USP9X: variants seen among roughly 807,000 people sequenced by gnomAD.
USP9X encodes ubiquitin carboxyl-terminal hydrolase 9X.
In USP9X, 7 loss-of-function variants were observed where a neutral mutation model predicts 190.3. That is an observed-to-expected ratio of 0.04 (90% CI 0.02 to 0.07). The LOEUF (loss-of-function observed/expected upper bound fraction) is 0.07. Ranked by LOEUF, USP9X falls within the 10% of genes least tolerant of loss-of-function variation. The probability of loss-of-function intolerance (pLI) is 1.00; values close to 1 mark genes in which losing one functional copy is unlikely to be tolerated. For missense variants in USP9X, 1,010 were observed against 1,916.9 expected, an observed-to-expected ratio of 0.53 and a Z score of 8.83; for synonymous variants, 645 against 659.5, an observed-to-expected ratio of 0.98 and a Z score of 0.34.
At chrX:41,114,325 T>TCA (rs2062131374) in intron 1 of USP9X, among the ~76,000 whole-genome samples, 1 of 111,807 alleles carries the variant, frequency 8.9e-6, no homozygotes, top group Non-Finnish European at 1.9e-5. Flanking sequence ...AATTGCTTGA[T>TCA]AGGTACCATA....
At position 41,150,914 on chromosome X, in the gene USP9X, G is replaced by A; in HGVS notation, c.1627-7G>A. The A allele has an allele frequency of 8.3e-7, 1 of 1,199,030 alleles. No individual in the cohort carries two copies. The highest frequency in any genetic ancestry group is 1.1e-6 in the Non-Finnish European group (1 of 890,304). ...TCTATTTAAAACATTGAAATCATTTGTTTAAGGACCGTGATACACAAAAGA... is the reference window on the plus strand; with the variant it reads ...TCTATTTAAAACATTGAAATCATTTATTTAAGGACCGTGATACACAAAAGA... On this transcript the variant is annotated splice_polypyrimidine_tract_variant and splice_region_variant and intron_variant, in intron 12 of 44. Transcript: ENST00000378308.
In USP9X at chrX:41,178,241, C is replaced by T. The variant is rs935460451; in HGVS notation, c.3149-5757C>T. Among the ~76,000 whole-genome samples, 4 of 106,304 alleles carry T rather than the reference C, an allele frequency of 3.8e-5. No individual in the cohort carries two copies. In the Admixed American group the frequency reaches 4.1e-4, roughly 11 times the overall value. 92.3% of individuals were successfully genotyped at this position (106,304 alleles called of 115,157 possible). A position where few individuals can be genotyped will look rare whatever the true frequency, so the allele number is the denominator to read the frequency against. On this transcript the variant is annotated intron_variant, in intron 21 of 44. Coordinates refer to ENST00000378308, the MANE Select transcript of USP9X (RefSeq NM_001039591.3). ...TCAGCCTCCCGAATAGCTGTGATTACAGGCACCTGCCCTCATGCCCGGCTA... is the reference window on the plus strand; with the variant it reads ...TCAGCCTCCCGAATAGCTGTGATTATAGGCACCTGCCCTCATGCCCGGCTA...
chrX:41,200,402 G>A (rs1163507953), intron 30 of USP9X, among the ~76,000 whole-genome samples: 2 of 111,846 alleles, frequency 1.8e-5, no homozygotes, highest in Non-Finnish European at 3.8e-5. Context: ...GATACTTAAT[G>A]TTGTTTCCAG....
intron 1 of USP9X, among the ~76,000 whole-genome samples, chrX:41,121,283 TGAA>T (rs1431109955): frequency 9.0e-6 from 1 of 111,513 alleles, no homozygotes; most frequent in Non-Finnish European, 1.9e-5. Flanking sequence ...ATAGAGAACT[TGAA>T]GAGGAAGAAG....
intron 1 of USP9X, among the ~76,000 whole-genome samples, chrX:41,115,266 C>G (rs779036329): frequency 4.2e-4 from 45 of 108,401 alleles, no homozygotes; most frequent in African/African-American, 1.4e-3. Context: ...GTAGTGAGGT[C>G]TGGCGCCCTC....
chrX:41,120,996 G>C (rs1014247232), intron 1 of USP9X, among the ~76,000 whole-genome samples: 21 of 102,079 alleles, frequency 2.1e-4, no homozygotes, highest in African/African-American at 7.2e-4. Context: ...GAGCCACCAT[G>C]CCTGGCTAAT....
At chrX:41,184,753 G>A in intron 23 of USP9X, 78 bp downstream of exon 23, 1 of 895,156 alleles carries the variant, frequency 1.1e-6, no homozygotes, top group South Asian at 2.6e-5. Context: ...TATTTTAAGT[G>A]TAGAGTTCAA....
At chrX:41,209,104 A>G (rs2063135061) in intron 32 of USP9X, among the ~76,000 whole-genome samples, 1 of 111,877 alleles carries the variant, frequency 8.9e-6, no homozygotes, top group Non-Finnish European at 1.9e-5. Flanking sequence ...AGAATAAGGC[A>G]ATTTTCCTAC....
chrX:41,090,082 C>G (rs112971998), intron 1 of USP9X, among the ~76,000 whole-genome samples: 13,818 of 105,776 alleles, frequency 0.13, 895 homozygotes, highest in East Asian at 0.21. Context: ...TATTTTTTTT[C>G]TCTTTTATAG....
rs765735771 is a variant in USP9X at position 41,170,206 on chromosome X, A to G, written c.2848A>G (p.Ile950Val). 2.5e-6 allele frequency: 3 copies of G among 1,209,405 alleles called. No individual in the cohort carries two copies. The African/African-American group carries it at 5.2e-5, about 21-fold the overall frequency. ...AGATCCTGCAGATGATAGAAAGTTG[A>G]TTGGACAATTAAACTTAAAAGATAA... is the stretch of plus-strand genomic sequence containing the variant. ...LIDPADDRKL[I>V]GQLNLKDKSL... is the part of the protein sequence containing the mutation. Residue 950 changes from isoleucine to valine, a missense_variant, in exon 19 of 45, where the codon ATT becomes GTT. Ile to Val is a conservative substitution (Grantham distance 29). This residue lies in a region of USP9X where 351 missense variants were observed against 480.8 expected (regional missense o/e 0.73). Coordinates refer to ENST00000378308, the MANE Select transcript of USP9X (RefSeq NM_001039591.3).
intron 9 of USP9X, among the ~76,000 whole-genome samples, chrX:41,141,964 ATGAG>A (rs2062426647): frequency 1.8e-5 from 2 of 111,975 alleles, no homozygotes; most frequent in Admixed American, 9.5e-5. Flanking sequence ...TTGTTTTGAA[ATGAG>A]TAAGTATGCC....
intron 1 of USP9X, among the ~76,000 whole-genome samples, chrX:41,099,617 A>T (rs773178473): frequency 8.9e-6 from 1 of 111,979 alleles, no homozygotes; most frequent in Non-Finnish European, 1.9e-5. Flanking sequence ...ACTCTTGCTT[A>T]CCTATAAAAT....
chrX:41,090,073 AT>A (rs1008893125), intron 1 of USP9X, among the ~76,000 whole-genome samples: 1 of 105,645 alleles, frequency 9.5e-6, no homozygotes, highest in African/African-American at 3.5e-5. Context: ...GGCTATTTGT[AT>A]TTTTTTTCTC....
chrX:41,197,331 TCCC>T, intron 28 of USP9X, 30 bp from the exon 29 acceptor site: 5 of 486,743 alleles, frequency 1.0e-5, no homozygotes, highest in Non-Finnish European at 1.2e-5. Context: ...TTTGATTTCT[TCCC>T]CCCCCCACCC....
chrX:41,147,749 G>A lies in USP9X; in HGVS notation c.1420-620G>A, dbSNP rs780960747. Among the ~76,000 whole-genome samples, 9 of 111,997 alleles carry A rather than the reference G, an allele frequency of 8.0e-5. No individual in the cohort carries two copies. The South Asian group carries it at 2.2e-3, about 28-fold the overall frequency. ...ATTATAGGCGTGAGCCACCGTGCCC[G>A]GTCAGCTTAATCGTTCTTCTGCTGT... On this transcript the variant is annotated intron_variant, in intron 11 of 44. Transcript: ENST00000378308.
chrX:41,201,107 C>T lies in USP9X; in HGVS notation c.4651C>T (p.Arg1551Cys), dbSNP rs780390008. The T allele has an allele frequency of 8.3e-6, 10 of 1,209,755 alleles. No homozygotes were observed. Among genetic ancestry groups the T allele is most frequent in the South Asian group, 5.3e-5 (3 of 56,814 alleles). Residue 1551 changes from arginine to cysteine, a missense_variant, in exon 31 of 45, where the codon CGC becomes TGC. This residue lies in a region of USP9X where 120 missense variants were observed against 342.7 expected (regional missense o/e 0.35). Transcript: ENST00000378308. ...EWEYLPPVGPRPPKGFVGLKN... is the reference protein window; with the variant it reads ...EWEYLPPVGPCPPKGFVGLKN... Reference sequence around the variant, plus strand: ...GGAATATCTGCCACCTGTTGGACCCCGCCCACCCAAAGGATTCGTGGGGCT... The same window carrying T: ...GGAATATCTGCCACCTGTTGGACCCTGCCCACCCAAAGGATTCGTGGGGCT...
chrX:41,220,518 A>G (rs773503983), intron 38 of USP9X, among the ~76,000 whole-genome samples: 31 of 112,682 alleles, frequency 2.8e-4, no homozygotes, highest in Non-Finnish European at 5.2e-4. Context: ...GTCTGAGACA[A>G]CAACTTACAA....
rs1053159028 is a variant in USP9X at position 41,233,242 on chromosome X, C to G, written c.*718C>G. 1.8e-5 allele frequency: 2 copies of G among 111,717 alleles called. No individual in the cohort carries two copies. Among genetic ancestry groups the G allele is most frequent in the South Asian group, 3.7e-4 (1 of 2,730 alleles). The allele number at this position is 111,717 out of a possible 1,213,427, so 9.2% of individuals were successfully genotyped here. On this transcript the variant is annotated 3_prime_UTR_variant, in exon 45 of 45. Transcript: ENST00000378308. ...AGTTACCATAATGACAGCAGTTGTC[C>G]GAGAAGTGACAGCTGTATTACTCAG...
At position 41,136,893 on chromosome X, in the gene USP9X, C is replaced by G. The variant is rs778847041; in HGVS notation, c.525C>G (p.Ala175=). The part of the protein sequence containing the change: ...QDWFPLLELL[A]MALNPHCKFH... The stretch of plus-strand genomic sequence containing the variant: ...GGTTTCCACTTTTAGAACTTCTTGC[C>G]ATGGCCTTAAATCCTCATTGCAAAT... The change falls in exon 6 of 45, where the codon GCC becomes GCG. Residue 175 remains alanine (A), a synonymous_variant. Coordinates refer to ENST00000378308, the MANE Select transcript of USP9X (RefSeq NM_001039591.3). 3 of 1,211,150 alleles carry G rather than the reference C, an allele frequency of 2.5e-6. No individual in the cohort carries two copies. Among genetic ancestry groups the G allele is most frequent in the Non-Finnish European group, 3.4e-6 (3 of 895,014 alleles).
Sources: allele counts gnomAD v4.1 joint callset (sites outside exome capture counted in the v4.1 genomes callset), GRCh38; gene constraint gnomAD v4.1.1; regional missense constraint gnomAD v4.1.1; transcripts MANE v1.5; gene names NCBI Gene and HGNC (gene_info 2026-07-23, HGNC 2026-07-21).